The following FNBP1 variants were observed in gnomAD, a reference collection of about 807,000 sequenced individuals.
FNBP1 encodes formin binding protein 1.
FNBP1 carries 26 observed loss-of-function variants against 90.6 expected under a neutral mutation model. That is an observed-to-expected ratio of 0.29 (90% CI 0.21 to 0.40). The LOEUF is 0.40. Among genes scored for constraint, FNBP1 ranks in the 10% least tolerant of loss-of-function variants. The probability of loss-of-function intolerance (pLI) is 1.00; values close to 1 mark genes in which losing one functional copy is unlikely to be tolerated. For synonymous variants in FNBP1, 260 were observed against 265.2 expected, an observed-to-expected ratio of 0.98 and a Z score of 0.19; for missense variants, 635 against 768.0, an observed-to-expected ratio of 0.83 and a Z score of 2.05.
intron 1 of FNBP1, among the ~76,000 whole-genome samples, chr9:130,040,231 T>C (rs972577791): frequency 6.6e-6 from 1 of 152,168 alleles, no homozygotes; most frequent in Non-Finnish European, 1.5e-5. Flanking sequence ...AAACTTAGAT[T>C]TTGCATTTCT....
At chr9:129,975,757 G>A (rs930606966) in intron 4 of FNBP1, among the ~76,000 whole-genome samples, 2 of 151,946 alleles carry the variant, frequency 1.3e-5, no homozygotes, top group African/African-American at 4.8e-5. Flanking sequence ...TAAAAAATTA[G>A]CCGGATATAG....
At position 129,923,840 on chromosome 9, in the gene FNBP1, T is replaced by C; in HGVS notation, c.1170+4A>G. ...GAGAGACAGGATTCCGGAGCAGAAC[T>C]TACCCCACGCTTTAGGCTCCTGAAG... On this transcript the variant is annotated splice_donor_region_variant and intron_variant, in intron 10 of 16. Transcript: ENST00000446176. 1 of 1,582,712 alleles carries C rather than the reference T, an allele frequency of 6.3e-7. No homozygotes were observed.
intron 1 of FNBP1, among the ~76,000 whole-genome samples, chr9:130,012,199 C>T (rs1007212351): frequency 2.0e-5 from 3 of 152,218 alleles, no homozygotes; most frequent in African/African-American, 7.2e-5. Flanking sequence ...GGTTTGAATG[C>T]TGGCTCTTTG....
At position 129,890,424 on chromosome 9, in the gene FNBP1, G is replaced by C. The variant is rs967294408; in HGVS notation, c.*115C>G. On this transcript the variant is annotated 3_prime_UTR_variant, in exon 17 of 17. Transcript: ENST00000446176. The surrounding 1 kb of genome is among the most constrained non-coding windows in gnomAD (Gnocchi z 5.8). ...GAGAGAGAGAGAGACCGCCCCGCAG[G>C]GATGGGGCTGCGGAGGGGTGGGCTG... is the stretch of plus-strand genomic sequence containing the variant. The C allele has an allele frequency of 6.0e-6, 5 of 839,062 alleles. No individual in the cohort carries two copies. Among genetic ancestry groups the C allele is most frequent in the Non-Finnish European group, 9.9e-6 (5 of 503,608 alleles). The allele number at this position is 839,062 out of a possible 1,614,324, so 52.0% of individuals were successfully genotyped here.
At chr9:129,952,205 A>C (rs1217497898) in intron 6 of FNBP1, among the ~76,000 whole-genome samples, 1 of 151,822 alleles carries the variant, frequency 6.6e-6, no homozygotes, top group Admixed American at 6.6e-5. Context: ...ACAAAAAAAC[A>C]AAACAAAAAA....
chr9:129,970,819 G>A (rs2049333913), intron 4 of FNBP1, among the ~76,000 whole-genome samples: 2 of 152,178 alleles, frequency 1.3e-5, no homozygotes. Flanking sequence ...TGTCAGGCAA[G>A]GAAGAACCTA....
intron 7 of FNBP1, 39 bp downstream of exon 7, chr9:129,929,528 A>C: frequency 6.2e-7 from 1 of 1,601,812 alleles, no homozygotes; most frequent in Non-Finnish European, 8.5e-7. Flanking sequence ...AGGAAAGCAA[A>C]GCATAAAACA....
intron 1 of FNBP1, among the ~76,000 whole-genome samples, chr9:130,022,296 C>T (rs1167953955): frequency 6.6e-6 from 1 of 152,174 alleles, no homozygotes. Context: ...TGTCTGCCTC[C>T]TGGGTTCAAG....
rs748529231 is a variant in FNBP1 at position 129,888,990 on chromosome 9, C to T, written c.*1549G>A. The T allele has an allele frequency of 7.1e-4, 140 of 196,652 alleles. No individual in the cohort carries two copies. In the Middle Eastern group the frequency reaches 8.6e-3, roughly 12 times the overall value. 12.2% of individuals were successfully genotyped at this position (196,652 alleles called of 1,614,324 possible). ...CGACGTCATCCCCAGGCTTCCGTGG[C>T]GCTCTCGGTCACAGGAGCTCTAGGC... is the stretch of plus-strand genomic sequence containing the variant. On this transcript the variant is annotated 3_prime_UTR_variant, in exon 17 of 17. Transcript: ENST00000446176.
At chr9:129,896,771 A>G (rs1424277662) in intron 15 of FNBP1, among the ~76,000 whole-genome samples, 3 of 151,978 alleles carry the variant, frequency 2.0e-5, no homozygotes, top group Non-Finnish European at 2.9e-5. Context: ...AGCTGAGATT[A>G]CAGGCATGTG....
chr9:129,950,325 A>C (rs1019387104), intron 6 of FNBP1, among the ~76,000 whole-genome samples: 2 of 152,234 alleles, frequency 1.3e-5, no homozygotes, highest in African/African-American at 2.4e-5. Flanking sequence ...TGGGTAATTC[A>C]TCATATCCTT....
At chr9:130,015,421 T>C (rs1009229378) in intron 1 of FNBP1, among the ~76,000 whole-genome samples, 11 of 152,164 alleles carry the variant, frequency 7.2e-5, no homozygotes, top group Non-Finnish European at 1.2e-4. Context: ...ATAATAAAAC[T>C]ATTTAACAAT....
At chr9:130,010,941 A>G (rs1391766510) in intron 1 of FNBP1, among the ~76,000 whole-genome samples, 1 of 151,670 alleles carries the variant, frequency 6.6e-6, no homozygotes, top group East Asian at 1.9e-4. Context: ...GGCTCAAGAT[A>G]GACATGGGAT....
At chr9:130,010,510 G>T (rs922154301) in intron 1 of FNBP1, among the ~76,000 whole-genome samples, 1 of 152,044 alleles carries the variant, frequency 6.6e-6, no homozygotes, top group Non-Finnish European at 1.5e-5. Context: ...TGCCTGCCTC[G>T]GCCTCCCAAA....
intron 1 of FNBP1, among the ~76,000 whole-genome samples, chr9:130,021,573 A>T (rs514972): frequency 2.0e-5 from 3 of 152,112 alleles, no homozygotes; most frequent in Non-Finnish European, 4.4e-5. Flanking sequence ...CCAATTAATT[A>T]TTTGAATTTA....
intron 1 of FNBP1, among the ~76,000 whole-genome samples, chr9:130,032,017 C>CTGAGT (rs2058845560): frequency 6.6e-6 from 1 of 151,958 alleles, no homozygotes; most frequent in South Asian, 2.1e-4. Flanking sequence ...GTTATAAACA[C>CTGAGT]TGAGCACTAC....
rs2034832685 is a variant in FNBP1 at position 129,887,638 on chromosome 9, T to TAAA, written c.*2898_*2900dup. 1 of 218,610 alleles carries TAAA rather than the reference T, an allele frequency of 4.6e-6. No individual in the cohort carries two copies. The allele number at this position is 218,610 out of a possible 1,614,324, so 13.5% of individuals were successfully genotyped here. ...AGGCTTATCTCCACGGTGAGCAGGA[T>TAAA]AAAAACCCCCAAGGAACAGCCCATG... On this transcript the variant is annotated 3_prime_UTR_variant, in exon 17 of 17. Coordinates refer to ENST00000446176, the MANE Select transcript of FNBP1 (RefSeq NM_015033.3).
At chr9:129,976,585 G>A (rs1043902727) in intron 4 of FNBP1, among the ~76,000 whole-genome samples, 2 of 152,094 alleles carry the variant, frequency 1.3e-5, no homozygotes, top group Admixed American at 6.6e-5. Flanking sequence ...CTGCCCAAGC[G>A]CCCTGGCTGC....
chr9:129,905,234 T>TTA (rs1171206068), intron 12 of FNBP1, among the ~76,000 whole-genome samples: 2 of 151,010 alleles, frequency 1.3e-5, no homozygotes, highest in African/African-American at 4.9e-5. Context: ...TTTATCAACT[T>TTA]TATTGATCTT....
Sources: allele counts gnomAD v4.1 joint callset (sites outside exome capture counted in the v4.1 genomes callset), GRCh38; gene constraint gnomAD v4.1.1; non-coding constraint Gnocchi (gnomAD v3.1); transcripts MANE v1.5; gene names NCBI Gene and HGNC (gene_info 2026-07-23, HGNC 2026-07-21).